Variants in EFNA5 observed in about 807,000 individuals in gnomAD.
EFNA5 encodes ephrin-A5.
EFNA5 carries 5 observed loss-of-function variants against 22.9 expected under a neutral mutation model. That is an observed-to-expected ratio of 0.22 (90% CI 0.11 to 0.46). The LOEUF (loss-of-function observed/expected upper bound fraction) is 0.46, where lower values mean the gene tolerates loss of function less well. Ranked by LOEUF, EFNA5 falls within the 20% of genes least tolerant of loss-of-function variation. The pLI is 0.99. For synonymous variants in EFNA5, 113 were observed against 112.2 expected, an observed-to-expected ratio of 1.01 and a Z score of -0.04; for missense variants, 237 against 293.3, an observed-to-expected ratio of 0.81 and a Z score of 1.40.
rs1053053137 is a variant in EFNA5 at position 107,637,203 on chromosome 5, ATATAAT to A, written c.125+33280_125+33285del. Among the ~76,000 whole-genome samples the A allele has an allele frequency of 8.0e-4, 122 of 152,280 alleles. 1 individual carries two copies. The highest frequency in any genetic ancestry group is 2.8e-3 in the African/African-American group (117 of 41,554). ...AACCATAACCAAAAATAAAATCGTA[ATATAAT>A]TATAAGAGAAATCAAAAGTCCAGAA... On this transcript the variant is annotated intron_variant, in intron 1 of 4. Coordinates refer to ENST00000333274, the MANE Select transcript of EFNA5 (RefSeq NM_001962.3).
intron 1 of EFNA5, among the ~76,000 whole-genome samples, chr5:107,499,852 G>A (rs1360261969): frequency 6.6e-6 from 1 of 152,120 alleles, no homozygotes; most frequent in Non-Finnish European, 1.5e-5. Flanking sequence ...AATGCATCAG[G>A]TGCAAATTAC....
chr5:107,412,832 T>A (rs1748405213), intron 2 of EFNA5, among the ~76,000 whole-genome samples: 1 of 152,216 alleles, frequency 6.6e-6, no homozygotes, highest in Non-Finnish European at 1.5e-5. Context: ...TTGGCCATAT[T>A]TGATTCTGCA....
chr5:107,494,627 G>A (rs1181502251), intron 1 of EFNA5, among the ~76,000 whole-genome samples: 1 of 152,198 alleles, frequency 6.6e-6, no homozygotes, highest in Non-Finnish European at 1.5e-5. Flanking sequence ...CAGCCCCGTT[G>A]GGGGATCCAC....
intron 1 of EFNA5, among the ~76,000 whole-genome samples, chr5:107,477,454 G>A (rs530258939): frequency 9.2e-4 from 140 of 152,230 alleles, no homozygotes; most frequent in Middle Eastern, 6.8e-3. Flanking sequence ...TATTGGCAAA[G>A]GGCTTTCTTA....
intron 1 of EFNA5, among the ~76,000 whole-genome samples, chr5:107,534,492 T>C (rs565164765): frequency 6.6e-6 from 1 of 152,220 alleles, no homozygotes; most frequent in Non-Finnish European, 1.5e-5. Context: ...GTTGCAATAA[T>C]AGACTCAAAC....
intron 1 of EFNA5, among the ~76,000 whole-genome samples, chr5:107,518,989 T>C (rs914442053): frequency 1.3e-5 from 2 of 152,242 alleles, no homozygotes; most frequent in African/African-American, 4.8e-5. Flanking sequence ...TCATTTGATG[T>C]AATGATATTT....
Position 107,380,606 on chromosome 5 carries a change from G to T in EFNA5, c.*649C>A. 1 of 368,736 alleles carries T rather than the reference G, an allele frequency of 2.7e-6. No homozygotes were observed. Among genetic ancestry groups the T allele is most frequent in the South Asian group, 1.5e-4 (1 of 6,782 alleles). 22.8% of individuals were successfully genotyped at this position (368,736 alleles called of 1,614,324 possible). ...AAAAAAAAAAAAGGCTTCTTTTAGA[G>T]AGCACAAGTTTTGCTGTCAAGAATG... is the stretch of plus-strand genomic sequence containing the variant. On this transcript the variant is annotated 3_prime_UTR_variant, in exon 5 of 5. Transcript: ENST00000333274.
intron 1 of EFNA5, among the ~76,000 whole-genome samples, chr5:107,592,678 G>A (rs1397695775): frequency 6.6e-6 from 1 of 152,156 alleles, no homozygotes; most frequent in African/African-American, 2.4e-5. Context: ...AGGCTCTTCA[G>A]AAAAGGAGGA....
At chr5:107,492,953 A>G (rs1170586019) in intron 1 of EFNA5, among the ~76,000 whole-genome samples, 5 of 151,474 alleles carry the variant, frequency 3.3e-5, no homozygotes, top group African/African-American at 4.9e-5. Flanking sequence ...AGCAGAGATC[A>G]CGCCACTGCA....
rs1430743332 is a variant in EFNA5 at position 107,606,598 on chromosome 5, G to T, written c.125+63891C>A. On this transcript the variant is annotated intron_variant, in intron 1 of 4. Coordinates refer to ENST00000333274, the MANE Select transcript of EFNA5 (RefSeq NM_001962.3). ...ACACACACACAGAGCTAGTAATGCG[G>T]TATAGCAGAATTTTTATCTGAGCCA... Among the ~76,000 whole-genome samples the T allele has an allele frequency of 2.7e-5, 4 of 150,196 alleles. No individual in the cohort carries two copies. The East Asian group carries it at 5.9e-4, about 22-fold the overall frequency.
In EFNA5 at chr5:107,553,140, GCCCCAGTCCTGTT is replaced by G. The variant is rs369231047; in HGVS notation, c.125+117336_125+117348del. ...GAGTGACAGGGAGAGAAAAAGAACTGCCCCAGTCCTGTTCCACTAAACACCCTGGAACTTAAAA... is the reference window on the plus strand; with the variant it reads ...GAGTGACAGGGAGAGAAAAAGAACTGCCACTAAACACCCTGGAACTTAAAA... On this transcript the variant is annotated intron_variant, in intron 1 of 4. Coordinates refer to ENST00000333274, the MANE Select transcript of EFNA5 (RefSeq NM_001962.3). Among the ~76,000 whole-genome samples the G allele has an allele frequency of 7.2e-3, 1,088 of 152,142 alleles. 10 individuals carry two copies. The highest frequency in any genetic ancestry group is 0.025 in the African/African-American group (1,050 of 41,498).
chr5:107,501,268 TCTTA>T (rs987537125), intron 1 of EFNA5, among the ~76,000 whole-genome samples: 3 of 152,212 alleles, frequency 2.0e-5, no homozygotes, highest in Non-Finnish European at 2.9e-5. Flanking sequence ...ATATTCTGTT[TCTTA>T]CTTAGGATAT....
intron 1 of EFNA5, among the ~76,000 whole-genome samples, chr5:107,429,736 C>G (rs1438521318): frequency 6.6e-6 from 1 of 152,136 alleles, no homozygotes; most frequent in African/African-American, 2.4e-5. Context: ...ATGGAACAAA[C>G]TGTGTAGATG....
rs1297276749 is a variant in EFNA5 at position 107,524,339 on chromosome 5, A to C, written c.126-96830T>G. Among the ~76,000 whole-genome samples, 2 of 152,332 alleles carry C rather than the reference A, an allele frequency of 1.3e-5. 1 individual carries two copies. The highest frequency in any genetic ancestry group is 4.1e-4 in the South Asian group (2 of 4,826). On this transcript the variant is annotated intron_variant, in intron 1 of 4. Transcript: ENST00000333274. Reference sequence around the variant, plus strand: ...GGAGGGATATTAATAATGGCAAAACATAGTTGTTTGCCTGGTCACAGAAAA... The same window carrying C: ...GGAGGGATATTAATAATGGCAAAACCTAGTTGTTTGCCTGGTCACAGAAAA...
chr5:107,548,811 A>T (rs1205651860), intron 1 of EFNA5, among the ~76,000 whole-genome samples: 1 of 152,184 alleles, frequency 6.6e-6, no homozygotes, highest in Non-Finnish European at 1.5e-5. Flanking sequence ...TGGTGGTAGG[A>T]CTAGTACTCC....
At chr5:107,473,007 C>G (rs763042520) in intron 1 of EFNA5, among the ~76,000 whole-genome samples, 8 of 152,196 alleles carry the variant, frequency 5.3e-5, no homozygotes, top group Non-Finnish European at 1.0e-4. Flanking sequence ...CCCCCAGCAC[C>G]TGCTTGAACT....
chr5:107,483,716 T>C (rs1350161978), intron 1 of EFNA5, among the ~76,000 whole-genome samples: 1 of 152,236 alleles, frequency 6.6e-6, no homozygotes, highest in Non-Finnish European at 1.5e-5. Flanking sequence ...TAAGAGAAAT[T>C]GAACTTTTTG....
At chr5:107,612,719 A>G (rs573274134) in intron 1 of EFNA5, among the ~76,000 whole-genome samples, 79 of 152,288 alleles carry the variant, frequency 5.2e-4, no homozygotes, top group African/African-American at 1.8e-3. Flanking sequence ...TCCAATATAA[A>G]GACCAGGGTT....
chr5:107,542,603 C>A (rs372773088), intron 1 of EFNA5, among the ~76,000 whole-genome samples: 4 of 151,980 alleles, frequency 2.6e-5, no homozygotes, highest in African/African-American at 4.8e-5. Context: ...GAAGGTCATG[C>A]CTTCTCTGCC....
Sources: allele counts gnomAD v4.1 joint callset (sites outside exome capture counted in the v4.1 genomes callset), GRCh38; gene constraint gnomAD v4.1.1; transcripts MANE v1.5; gene names NCBI Gene and HGNC (gene_info 2026-07-23, HGNC 2026-07-21).